CDH23: variants seen among roughly 807,000 people sequenced by gnomAD.
CDH23 encodes cadherin-23.
A neutral mutation model predicts 317.1 loss-of-function variants in CDH23; 189 were observed. The observed-to-expected ratio is 0.60, with a 90% CI of 0.53 to 0.67. The LOEUF is 0.67. Among genes scored for constraint, CDH23 ranks in the 30% least tolerant of loss-of-function variants. The pLI is 0.00. For synonymous variants in CDH23, 1,839 were observed against 1,876.8 expected (o/e 0.98, Z 0.52); for missense variants, 4,401 against 4,592.4 (o/e 0.96, Z 1.20).
At chr10:71,411,260 A>G (rs1002984472) in intron 1 of CDH23, among the ~76,000 whole-genome samples, 3 of 152,252 alleles carry the variant, frequency 2.0e-5, no homozygotes, top group Non-Finnish European at 2.9e-5. Context: ...TTTTCAATCC[A>G]TGAACAAGAT....
At chr10:71,429,639 G>A (rs910388575) in intron 1 of CDH23, among the ~76,000 whole-genome samples, 28 of 152,330 alleles carry the variant, frequency 1.8e-4, no homozygotes, top group African/African-American at 5.3e-4. Flanking sequence ...CGTATTTAGC[G>A]GGTGCGTGGA....
chr10:71,692,195 A>G (rs1865208490), intron 20 of CDH23, among the ~76,000 whole-genome samples: 2 of 152,210 alleles, frequency 1.3e-5, no homozygotes, highest in African/African-American at 4.8e-5. Flanking sequence ...AACCTGACTG[A>G]GGACTCGCAG....
chr10:71,466,052 C>T (rs1851237979), intron 3 of CDH23, among the ~76,000 whole-genome samples: 1 of 152,174 alleles, frequency 6.6e-6, no homozygotes, highest in African/African-American at 2.4e-5. Flanking sequence ...GCAGGCAGGA[C>T]ATTCCGGAAA....
In CDH23 at chr10:71,741,848, C is replaced by T. The variant is rs1366827073; in HGVS notation, c.4772C>T (p.Pro1591Leu). 20 of 1,610,856 alleles carry T rather than the reference C, an allele frequency of 1.2e-5. No homozygotes were observed. The highest frequency in any genetic ancestry group is 1.6e-4 in the Middle Eastern group (1 of 6,078). The change falls in exon 38 of 70, where the codon CCG becomes CTG. Residue 1591 changes from proline to leucine, a missense_variant. Around this residue, in one of 3 missense-constraint regions of CDH23, gnomAD observed 3,068 missense variants for 3,203.3 expected, o/e 0.96. Transcript: ENST00000224721. ...GGTGAGATCGCCACACGGCCTGCCC[C>T]GCCTGACCGCGAGCGCCAGAGCTTC... The part of the protein sequence containing the change: ...ISGEIATRPA[P>L]PDRERQSFYH...
intron 28 of CDH23, chr10:71,714,858 C>T (rs1866140071): frequency 6.6e-6 from 1 of 152,250 alleles, no homozygotes; most frequent in Non-Finnish European, 1.5e-5. Context: ...AGCCCAGGTC[C>T]TCCCTCTGCC....
At chr10:71,562,471 A>G (rs1857183014) in intron 6 of CDH23, among the ~76,000 whole-genome samples, 1 of 152,178 alleles carries the variant, frequency 6.6e-6, no homozygotes, top group Non-Finnish European at 1.5e-5. Context: ...TTAGCAGTCC[A>G]GGAGTGGTGG....
At chr10:71,427,154 CA>C (rs754534481) in intron 1 of CDH23, among the ~76,000 whole-genome samples, 32,665 of 63,814 alleles carry the variant, frequency 0.51, 5,853 homozygotes, top group Middle Eastern at 0.63. Flanking sequence ...GACCCTGTCT[CA>C]AAAAAAAAAA....
chr10:71,783,753 C>T (rs1841020024), intron 41 of CDH23, among the ~76,000 whole-genome samples: 1 of 152,248 alleles, frequency 6.6e-6, no homozygotes, highest in Non-Finnish European at 1.5e-5. Flanking sequence ...GCACTGGGGG[C>T]TTCCCTGCCC....
chr10:71,697,516 T>G (rs1266239920), intron 22 of CDH23, among the ~76,000 whole-genome samples: 1 of 152,092 alleles, frequency 6.6e-6, no homozygotes, highest in East Asian at 1.9e-4. Flanking sequence ...TTATAAAATT[T>G]TTTTTAAGTA....
At chr10:71,534,700 T>C (rs1036212345) in intron 6 of CDH23, among the ~76,000 whole-genome samples, 13 of 152,212 alleles carry the variant, frequency 8.5e-5, no homozygotes, top group Admixed American at 2.6e-4. Context: ...CATTTTAAGG[T>C]TCTTTCCTTT....
At chr10:71,519,664 T>A (rs905421308) in intron 6 of CDH23, among the ~76,000 whole-genome samples, 1 of 152,216 alleles carries the variant, frequency 6.6e-6, no homozygotes, top group African/African-American at 2.4e-5. Context: ...AGTTTTTTCA[T>A]CTGTAAAATA....
intron 34 of CDH23, among the ~76,000 whole-genome samples, chr10:71,737,364 C>A (rs946818587): frequency 2.0e-5 from 3 of 152,236 alleles, no homozygotes; most frequent in African/African-American, 7.2e-5. Context: ...GCTTGAATAA[C>A]TTTTTCCAAA....
intron 22 of CDH23, among the ~76,000 whole-genome samples, chr10:71,699,142 A>C (rs1049896413): frequency 2.0e-5 from 3 of 152,252 alleles, no homozygotes; most frequent in Non-Finnish European, 2.9e-5. Context: ...TCACTGTCAA[A>C]CCATACTGCC....
chr10:71,428,008 C>T (rs766219068), intron 1 of CDH23, among the ~76,000 whole-genome samples: 54 of 151,794 alleles, frequency 3.6e-4, no homozygotes, highest in African/African-American at 9.4e-4. Flanking sequence ...CCACTGTGCC[C>T]GGCCCTATTG....
Position 71,741,873 on chromosome 10 carries a change from C to T in CDH23, c.4797C>T (p.Phe1599=). 1 of 1,610,244 alleles carries T rather than the reference C, an allele frequency of 6.2e-7. No individual in the cohort carries two copies. The highest frequency in any genetic ancestry group is 8.5e-7 in the Non-Finnish European group (1 of 1,178,574). Residue 1599 remains phenylalanine (F), a synonymous_variant, in exon 38 of 70, where the codon TTC becomes TTT. Transcript: ENST00000224721. ...CGCCTGACCGCGAGCGCCAGAGCTT[C>T]TACCACCTGGTGGCCACTGTGGAGG... The part of the protein sequence containing the change: ...PAPPDRERQS[F]YHLVATVEDE...
intron 6 of CDH23, among the ~76,000 whole-genome samples, chr10:71,534,326 G>A (rs953135818): frequency 2.0e-4 from 30 of 152,066 alleles, no homozygotes; most frequent in African/African-American, 6.5e-4. Context: ...ATTTTTCACA[G>A]TTTTCTTGCC....
chr10:71,766,891 G>GAA (rs1171489321), intron 38 of CDH23, among the ~76,000 whole-genome samples: 5 of 152,174 alleles, frequency 3.3e-5, no homozygotes, highest in Admixed American at 1.3e-4. Context: ...CAGCTATTTA[G>GAA]AAAAAATGAA....
At chr10:71,597,227 G>C (rs1282570734) in intron 9 of CDH23, among the ~76,000 whole-genome samples, 4 of 152,102 alleles carry the variant, frequency 2.6e-5, no homozygotes, top group Non-Finnish European at 5.9e-5. Flanking sequence ...GAGCAGAGCA[G>C]GCATCGCCAC....
intron 11 of CDH23, among the ~76,000 whole-genome samples, chr10:71,637,420 T>C (rs1862329296): frequency 6.6e-6 from 1 of 152,144 alleles, no homozygotes; most frequent in Non-Finnish European, 1.5e-5. Context: ...TGAACACTTA[T>C]TCCGTCCCAG....
Sources: allele counts gnomAD v4.1 joint callset (sites outside exome capture counted in the v4.1 genomes callset), GRCh38; gene constraint gnomAD v4.1.1; regional missense constraint gnomAD v4.1.1; transcripts MANE v1.5; gene names NCBI Gene and HGNC (gene_info 2026-07-23, HGNC 2026-07-21).